The following PRKCA variants were observed in gnomAD, a reference collection of about 807,000 sequenced individuals.
The protein encoded by PRKCA is protein kinase C alpha.
A neutral mutation model predicts 87.0 loss-of-function variants in PRKCA; 27 were observed. The observed-to-expected ratio is 0.31, with a 90% CI of 0.23 to 0.43. The LOEUF is 0.43. Among genes scored for constraint, PRKCA ranks in the 20% least tolerant of loss-of-function variants. The pLI is 1.00. For synonymous variants in PRKCA, 329 were observed against 311.1 expected (o/e 1.06, Z -0.61); for missense variants, 518 against 852.3 (o/e 0.61, Z 4.88).
chr17:66,583,725 T>C (rs1176824160), intron 3 of PRKCA, among the ~76,000 whole-genome samples: 1 of 152,174 alleles, frequency 6.6e-6, no homozygotes, highest in Admixed American at 6.5e-5. Flanking sequence ...AGTATTTTTC[T>C]TTTTTTGAAG....
At chr17:66,563,936 T>A (rs1968791769) in intron 3 of PRKCA, among the ~76,000 whole-genome samples, 1 of 152,096 alleles carries the variant, frequency 6.6e-6, no homozygotes, top group Non-Finnish European at 1.5e-5. Context: ...TAAAAATTGT[T>A]GTACTTGTTT....
At chr17:66,565,591 A>G (rs557204361) in intron 3 of PRKCA, among the ~76,000 whole-genome samples, 3 of 152,332 alleles carry the variant, frequency 2.0e-5, no homozygotes, top group Non-Finnish European at 2.9e-5. Context: ...TTCAGGATGC[A>G]TGGCCTCTTT....
At chr17:66,637,267 C>T (rs537283169) in intron 3 of PRKCA, among the ~76,000 whole-genome samples, 6 of 152,286 alleles carry the variant, frequency 3.9e-5, no homozygotes, top group East Asian at 1.9e-4. Flanking sequence ...CTGAGGGCTC[C>T]GTGCGAGCTG....
At chr17:66,613,624 G>T (rs1970432609) in intron 3 of PRKCA, among the ~76,000 whole-genome samples, 1 of 151,960 alleles carries the variant, frequency 6.6e-6, no homozygotes, top group South Asian at 2.1e-4. Context: ...AGCAACCCCT[G>T]TGTTCCCCAG....
chr17:66,553,927 C>T (rs8078323), intron 3 of PRKCA, among the ~76,000 whole-genome samples: 4,720 of 152,128 alleles, frequency 0.031, 257 homozygotes, highest in African/African-American at 0.11. Context: ...AGTGTTGAAC[C>T]TTGGACTTTG....
intron 2 of PRKCA, among the ~76,000 whole-genome samples, chr17:66,371,099 G>A (rs1408567892): frequency 1.3e-5 from 2 of 152,210 alleles, no homozygotes; most frequent in East Asian, 1.9e-4. Context: ...AAGATATGAT[G>A]TATGTATTTT....
intron 2 of PRKCA, among the ~76,000 whole-genome samples, chr17:66,314,768 C>G (rs1252790129): frequency 2.6e-5 from 4 of 152,024 alleles, no homozygotes; most frequent in Non-Finnish European, 5.9e-5. Context: ...GAGTAAAATT[C>G]TACTGTAGAG....
chr17:66,490,217 A>G (rs963449875), intron 2 of PRKCA, among the ~76,000 whole-genome samples: 7 of 152,194 alleles, frequency 4.6e-5, no homozygotes, highest in African/African-American at 1.7e-4. Flanking sequence ...CTAGGTTGAT[A>G]AGTTAAAAAT....
chr17:66,789,617 TCATCC>T (rs1217413545), intron 16 of PRKCA, among the ~76,000 whole-genome samples: 1 of 152,362 alleles, frequency 6.6e-6, no homozygotes, highest in East Asian at 1.9e-4. Context: ...ATTCACTCAA[TCATCC>T]CAGCAGCCCT....
chr17:66,661,876 T>A (rs1971913661), intron 5 of PRKCA, among the ~76,000 whole-genome samples: 1 of 152,182 alleles, frequency 6.6e-6, no homozygotes, highest in African/African-American at 2.4e-5. Context: ...GAATGCATTT[T>A]GAGCCATTGG....
intron 2 of PRKCA, among the ~76,000 whole-genome samples, chr17:66,473,542 C>G (rs1166723157): frequency 6.6e-6 from 1 of 152,100 alleles, no homozygotes; most frequent in Admixed American, 6.5e-5. Context: ...TACTGTTGTT[C>G]AAGTGTGTTG....
Position 66,461,756 on chromosome 17 carries a change from G to T in PRKCA, c.206-34445G>T, listed in dbSNP as rs568528540. Among the ~76,000 whole-genome samples the T allele has an allele frequency of 2.0e-4, 31 of 152,272 alleles. No homozygotes were observed. The South Asian group carries it at 6.4e-3, about 32-fold the overall frequency. On this transcript the variant is annotated intron_variant, in intron 2 of 16. Coordinates refer to ENST00000413366, the MANE Select transcript of PRKCA (RefSeq NM_002737.3). ...ACTTGAGAACCTTCTTGGCATAGAG[G>T]CATTCTGTGGGTTTCATGGTGGCCC...
intron 14 of PRKCA, among the ~76,000 whole-genome samples, chr17:66,784,390 C>T (rs1056152335): frequency 2.6e-5 from 4 of 152,194 alleles, no homozygotes; most frequent in Non-Finnish European, 5.9e-5. Context: ...GGACTACAGG[C>T]GTGCGCCACC....
chr17:66,755,730 G>A (rs1011172756), intron 13 of PRKCA, among the ~76,000 whole-genome samples: 2 of 152,092 alleles, frequency 1.3e-5, no homozygotes, highest in African/African-American at 4.8e-5. Flanking sequence ...GAGCTTAGAC[G>A]TCATCGTTCC....
intron 2 of PRKCA, among the ~76,000 whole-genome samples, chr17:66,447,424 C>G (rs1056506803): frequency 6.6e-6 from 1 of 152,194 alleles, no homozygotes; most frequent in Non-Finnish European, 1.5e-5. Context: ...ACACCTTCCT[C>G]ACTCCCAAAG....
intron 5 of PRKCA, among the ~76,000 whole-genome samples, chr17:66,646,547 T>C (rs1353213873): frequency 6.6e-6 from 1 of 152,220 alleles, no homozygotes; most frequent in Non-Finnish European, 1.5e-5. Flanking sequence ...ATCTTCCTTC[T>C]GTATCTAGGA....
intron 3 of PRKCA, among the ~76,000 whole-genome samples, chr17:66,584,225 T>G (rs1229228625): frequency 6.6e-6 from 1 of 152,106 alleles, no homozygotes; most frequent in Non-Finnish European, 1.5e-5. Flanking sequence ...GTTTTTGGCT[T>G]TTGTTTTTGT....
chr17:66,486,134 G>C (rs187788729), intron 2 of PRKCA, among the ~76,000 whole-genome samples: 7 of 152,202 alleles, frequency 4.6e-5, no homozygotes, highest in African/African-American at 1.4e-4. Context: ...GTTTTCAAAA[G>C]CTAACCTTTG....
At chr17:66,386,717 G>A (rs1258379473) in intron 2 of PRKCA, among the ~76,000 whole-genome samples, 1 of 152,104 alleles carries the variant, frequency 6.6e-6, no homozygotes, top group Non-Finnish European at 1.5e-5. Flanking sequence ...TCAAATTTTG[G>A]TGGATACTCC....
Sources: allele counts gnomAD v4.1 joint callset (sites outside exome capture counted in the v4.1 genomes callset), GRCh38; gene constraint gnomAD v4.1.1; transcripts MANE v1.5; gene names NCBI Gene and HGNC (gene_info 2026-07-23, HGNC 2026-07-21).